The following MCM8 variants were observed in gnomAD, a reference collection of about 807,000 sequenced individuals.
The protein encoded by MCM8 is minichromosome maintenance 8 homologous recombination repair factor.
A neutral mutation model predicts 98.9 loss-of-function variants in MCM8; 85 were observed. The ratio of observed to expected loss-of-function variants is 0.86; its 90% CI spans 0.72 to 1.03. The LOEUF is 1.03. Among genes scored for constraint, MCM8 ranks in the 50% least tolerant of loss-of-function variants. The pLI, the probability that MCM8 is intolerant of heterozygous loss-of-function variation, is 0.00. For synonymous variants in MCM8, 352 were observed against 338.6 expected (o/e 1.04, Z -0.44); for missense variants, 951 against 997.8 (o/e 0.95, Z 0.63).
At position 5,986,088 on chromosome 20, in the gene MCM8, C is replaced by G. The variant is rs958067616; in HGVS notation, c.2120C>G (p.Pro707Arg). 2 of 1,614,060 alleles carry G rather than the reference C, an allele frequency of 1.2e-6. No homozygotes were observed. The highest frequency in any genetic ancestry group is 1.7e-6 in the Non-Finnish European group (2 of 1,180,050). Residue 707 changes from proline (P) to arginine (R), a missense_variant, in exon 16 of 19, where the codon CCA (proline) becomes CGA (arginine). Pro to Arg is a moderately radical substitution (Grantham distance 103). Coordinates refer to ENST00000610722, the MANE Select transcript of MCM8 (RefSeq NM_032485.6). Reference sequence around the variant, plus strand: ...CAGAGCCAGAGGTTAAATAGCTCACCAATCACTACCAGGCAGCTGGAATCT... The same window carrying G: ...CAGAGCCAGAGGTTAAATAGCTCACGAATCACTACCAGGCAGCTGGAATCT... ...RKQSQRLNSS[P>R]ITTRQLESLI...
At chr20:5,954,840 A>G (rs2088931853) in intron 4 of MCM8, 150 bp downstream of exon 4, 1 of 606,896 alleles carries the variant, frequency 1.6e-6, no homozygotes, top group Non-Finnish European at 2.9e-6. Context: ...ACTTTGATTA[A>G]TTACTTCTCT....
intron 13 of MCM8, among the ~76,000 whole-genome samples, chr20:5,980,506 T>G (rs1203800029): frequency 2.0e-5 from 3 of 152,202 alleles, no homozygotes; most frequent in Admixed American, 1.3e-4. Context: ...GAGAATATCT[T>G]TGCTAAGTTA....
intron 5 of MCM8, 64 bp downstream of exon 5, chr20:5,955,315 C>A: frequency 6.9e-7 from 1 of 1,439,160 alleles, no homozygotes; most frequent in Non-Finnish European, 9.5e-7. Flanking sequence ...CACATGCACA[C>A]CTTGTCTAAG....
In MCM8 at chr20:5,985,009, G is replaced by A; in HGVS notation, c.1953+9G>A. ...TATCAGAAAGACTAAAGGTATAAAT[G>A]TTTCTTCTCCTTATTCAGTTTGGTT... On this transcript the variant is annotated intron_variant, in intron 15 of 18. Coordinates refer to ENST00000610722, the MANE Select transcript of MCM8 (RefSeq NM_032485.6). 1.2e-6 allele frequency: 2 copies of A among 1,603,838 alleles called. No individual in the cohort carries two copies. The highest frequency in any genetic ancestry group is 1.7e-6 in the Non-Finnish European group (2 of 1,171,238).
At chr20:5,982,861 C>A in intron 13 of MCM8, 109 bp from the exon 14 acceptor site, 2 of 910,298 alleles carry the variant, frequency 2.2e-6, no homozygotes, top group South Asian at 1.7e-5. Context: ...ATAATTTTAA[C>A]TGCTGAAACA....
chr20:5,961,624 G>T (rs1374422342), intron 7 of MCM8, among the ~76,000 whole-genome samples: 1 of 152,164 alleles, frequency 6.6e-6, no homozygotes, highest in Admixed American at 6.5e-5. Flanking sequence ...TTTAAATCCT[G>T]ATTTAAACCA....
intron 17 of MCM8, among the ~76,000 whole-genome samples, chr20:5,989,148 G>T (rs987505423): frequency 8.5e-6 from 1 of 117,706 alleles, no homozygotes; most frequent in Non-Finnish European, 1.7e-5. Flanking sequence ...AGACAGTCTG[G>T]CTCTGTCGCC....
rs1394590565 is a variant in MCM8, at chr20:5,996,552, T to A, written c.*2161T>A. ...AGAGATATTTAAAGCTGAAAAAAAA[T>A]CTATTAATAGAATTTAAAACATTTC... On this transcript the variant is annotated 3_prime_UTR_variant, in exon 19 of 19. Coordinates refer to ENST00000610722, the MANE Select transcript of MCM8 (RefSeq NM_032485.6). The A allele has an allele frequency of 2.0e-5, 3 of 151,644 alleles. No individual in the cohort carries two copies. The highest frequency in any genetic ancestry group is 3.4e-3 in the Middle Eastern group (1 of 294). The allele number at this position is 151,644 out of a possible 1,614,324, so 9.4% of individuals were successfully genotyped here.
At position 5,984,970 on chromosome 20, in the gene MCM8, T is replaced by G. The variant is rs1205465656; in HGVS notation, c.1923T>G (p.Val641=). 6.2e-7 allele frequency: 1 copy of G among 1,613,910 alleles called. No homozygotes were observed. The highest frequency in any genetic ancestry group is 2.2e-5 in the East Asian group (1 of 44,876). ...QDSNTSVLEV[V]SEKPLSERLK... is the part of the protein sequence containing the mutation. ...CAAATACTTCCGTACTTGAAGTAGT[T>G]TCTGAGAAGCCATTATCAGAAAGAC... Residue 641 remains valine (V), a synonymous_variant, in exon 15 of 19, where the codon GTT becomes GTG. Transcript: ENST00000610722.
intron 3 of MCM8, among the ~76,000 whole-genome samples, chr20:5,953,060 T>G (rs559035992): frequency 1.3e-5 from 2 of 152,328 alleles, no homozygotes; most frequent in East Asian, 1.9e-4. Context: ...CATGACTCAG[T>G]GGTGCTTGGA....
At chr20:5,985,311 G>T (rs1408565244) in intron 15 of MCM8, among the ~76,000 whole-genome samples, 1 of 151,700 alleles carries the variant, frequency 6.6e-6, no homozygotes, top group Non-Finnish European at 1.5e-5. Context: ...GGGCATGGTG[G>T]TGCGTGTCTG....
At position 5,993,533 on chromosome 20, in the gene MCM8, T is replaced by G; in HGVS notation, c.2268T>G (p.Phe756Leu). 1 of 1,577,254 alleles carries G rather than the reference T, an allele frequency of 6.3e-7. No homozygotes were observed. Among genetic ancestry groups the G allele is most frequent in the South Asian group, 1.2e-5 (1 of 84,578 alleles). The change falls in exon 18 of 19, where the codon TTT (phenylalanine) becomes TTG (leucine). Residue 756 changes from phenylalanine to leucine, a missense_variant. Phe to Leu is a conservative substitution (Grantham distance 22, BLOSUM62 0). Coordinates refer to ENST00000610722, the MANE Select transcript of MCM8 (RefSeq NM_032485.6). Reference protein sequence around the residue: ...YSMLGTYSDEFGNLDFERSQH... With the variant: ...YSMLGTYSDELGNLDFERSQH... ...TGCTAGGAACTTACTCTGATGAATTTGGGAACCTAGATTTTGAGCGATCCC... is the reference window on the plus strand; with the variant it reads ...TGCTAGGAACTTACTCTGATGAATTGGGGAACCTAGATTTTGAGCGATCCC...
At chr20:5,970,506 T>C (rs948761590) in intron 10 of MCM8, among the ~76,000 whole-genome samples, 2 of 152,184 alleles carry the variant, frequency 1.3e-5, no homozygotes, top group African/African-American at 4.8e-5. Context: ...GGCCTACATT[T>C]GGGACTGCCC....
At chr20:5,952,191 T>A (rs2122634692) in intron 2 of MCM8, 28 bp downstream of exon 2, 2 of 1,608,196 alleles carry the variant, frequency 1.2e-6, no homozygotes, top group African/African-American at 1.3e-5. Context: ...TTGTTCAATT[T>A]TTTTCACTTA....
intron 11 of MCM8, 44 bp from the exon 12 acceptor site, chr20:5,973,012 A>G (rs1367743407): frequency 6.2e-7 from 1 of 1,606,634 alleles, no homozygotes; most frequent in Admixed American, 1.7e-5. Flanking sequence ...AGTCACCTTT[A>G]TGTTTTCCTT....
Position 5,952,178 on chromosome 20 carries a change from T to C in MCM8, c.148+15T>C. 1 of 1,610,514 alleles carries C rather than the reference T, an allele frequency of 6.2e-7. No individual in the cohort carries two copies. Among genetic ancestry groups the C allele is most frequent in the Non-Finnish European group, 8.5e-7 (1 of 1,178,912 alleles). On this transcript the variant is annotated intron_variant, in intron 2 of 18. Coordinates refer to ENST00000610722, the MANE Select transcript of MCM8 (RefSeq NM_032485.6). ...ACGTACTTCTGGTAGGTGAGGTCAA[T>C]GATTGTTCAATTTTTTTCACTTAAG...
chr20:5,985,887 T>C (rs1474537892), intron 15 of MCM8, 35 bp from the exon 16 acceptor site: 10 of 1,598,340 alleles, frequency 6.3e-6, no homozygotes, highest in East Asian at 2.2e-5. Flanking sequence ...TTGCTACTTA[T>C]CCTTGTTATC....
intron 16 of MCM8, 145 bp from the exon 17 acceptor site, chr20:5,987,137 C>T (rs1356495568): frequency 4.2e-6 from 3 of 707,496 alleles, no homozygotes; most frequent in Non-Finnish European, 6.9e-6. Flanking sequence ...CAGAGAATTA[C>T]TTCCATATTT....
intron 4 of MCM8, 114 bp from the exon 5 acceptor site, chr20:5,954,988 C>T (rs1343192281): frequency 4.1e-6 from 3 of 726,688 alleles, no homozygotes; most frequent in African/African-American, 1.8e-5. Context: ...GTCATACTTA[C>T]CATTATCACA....
Sources: gnomAD v4.1 joint callset for allele counts (sites outside exome capture counted in the v4.1 genomes callset) on GRCh38, gnomAD v4.1.1 for gene constraint, MANE v1.5 for transcripts, NCBI Gene and HGNC (gene_info 2026-07-23, HGNC 2026-07-21) for gene names.